Variants in SORCS2 observed in about 807,000 individuals in gnomAD.
SORCS2 encodes VPS10 domain-containing receptor SorCS2.
Under a neutral mutation model 141.6 loss-of-function variants are expected in SORCS2, and 100 were observed. The observed-to-expected ratio is 0.71, with a 90% CI of 0.60 to 0.83. SORCS2 has a LOEUF of 0.83. Ranked by LOEUF, SORCS2 falls within the 40% of genes least tolerant of loss-of-function variation. SORCS2 has a pLI of 0.00. For synonymous variants in SORCS2, 789 were observed against 676.9 expected (o/e 1.17, Z -2.57); for missense variants, 1,646 against 1,560.2 (o/e 1.05, Z -0.93).
chr4:7,494,019 TCACA>T (rs71647604), intron 2 of SORCS2, among the ~76,000 whole-genome samples: 5 of 136,390 alleles, frequency 3.7e-5, no homozygotes, highest in South Asian at 2.2e-4. Context: ...ACACACACAT[TCACA>T]CACACACACA....
intron 3 of SORCS2, among the ~76,000 whole-genome samples, chr4:7,619,593 G>T (rs1719015146): frequency 6.6e-6 from 1 of 152,202 alleles, no homozygotes; most frequent in African/African-American, 2.4e-5. Context: ...CCCAATGACT[G>T]TGGTCCCTGG....
At chr4:7,288,281 C>T (rs1716360060) in intron 1 of SORCS2, among the ~76,000 whole-genome samples, 1 of 152,014 alleles carries the variant, frequency 6.6e-6, no homozygotes, top group African/African-American at 2.4e-5. Flanking sequence ...AAATTCGGGG[C>T]CTTGCTGAGA....
rs370067623 is a variant in SORCS2 at position 7,706,379 on chromosome 4, T to C, written c.1868+2095T>C. Among the ~76,000 whole-genome samples the C allele has an allele frequency of 1.5e-3, 183 of 124,096 alleles. 1 individual carries two copies. Among genetic ancestry groups the C allele is most frequent in the Admixed American group, 1.8e-3 (23 of 12,656 alleles). 81.4% of individuals were successfully genotyped at this position (124,096 alleles called of 152,430 possible). A position where few individuals can be genotyped will look rare whatever the true frequency, so the allele number is the denominator to read the frequency against. ...TGGGCAGGGATGAGGCTGGGCTCTG[T>C]CTGGGCAGGGATGAGGCTGGGCTCT... is the stretch of plus-strand genomic sequence containing the variant. On this transcript the variant is annotated intron_variant, in intron 14 of 26. Coordinates refer to ENST00000507866, the MANE Select transcript of SORCS2 (RefSeq NM_020777.3).
In SORCS2 at chr4:7,715,325, C is replaced by A. The variant is rs138601427; in HGVS notation, c.2252+14C>A. 6.2e-7 allele frequency: 1 copy of A among 1,612,820 alleles called. No homozygotes were observed. The highest frequency in any genetic ancestry group is 8.5e-7 in the Non-Finnish European group (1 of 1,179,046). On this transcript the variant is annotated intron_variant, in intron 17 of 26. Coordinates refer to ENST00000507866, the MANE Select transcript of SORCS2 (RefSeq NM_020777.3). ...CAGCAGCCTTGGGTGAGTGTGGGTGCGGGCCTCTCCCTGCCTAAATCCGGG... is the reference window on the plus strand; with the variant it reads ...CAGCAGCCTTGGGTGAGTGTGGGTGAGGGCCTCTCCCTGCCTAAATCCGGG...
intron 1 of SORCS2, among the ~76,000 whole-genome samples, chr4:7,242,505 T>C (rs1329727098): frequency 6.6e-6 from 1 of 152,130 alleles, no homozygotes; most frequent in Non-Finnish European, 1.5e-5. Context: ...ACTGGTCTTC[T>C]GAATCAATCC....
rs1160411308 is a variant in SORCS2, at chr4:7,286,229, G to C, written c.480+93103G>C. On this transcript the variant is annotated intron_variant, in intron 1 of 26. Coordinates refer to ENST00000507866, the MANE Select transcript of SORCS2 (RefSeq NM_020777.3). This position sits in a 1 kb window ranked among gnomAD's most constrained non-coding sequence, Gnocchi z 4.1. ...TCGGACCCTGAGTCTCCTCGCGTGG[G>C]AAGTGGGCACAGCCTCATGGTGTCT... Among the ~76,000 whole-genome samples the C allele has an allele frequency of 6.6e-6, 1 of 152,194 alleles. No homozygotes were observed. Among genetic ancestry groups the C allele is most frequent in the Non-Finnish European group, 1.5e-5 (1 of 68,022 alleles).
At chr4:7,632,847 G>A (rs919173064) in intron 3 of SORCS2, among the ~76,000 whole-genome samples, 1 of 152,228 alleles carries the variant, frequency 6.6e-6, no homozygotes, top group South Asian at 2.1e-4. Flanking sequence ...CTGTTAGCCT[G>A]TGTATGCACA....
intron 4 of SORCS2, among the ~76,000 whole-genome samples, chr4:7,649,055 C>T (rs1303864312): frequency 6.6e-6 from 1 of 152,192 alleles, no homozygotes; most frequent in Non-Finnish European, 1.5e-5. Context: ...GGGCCCTGAG[C>T]ACAGACTCTG....
intron 5 of SORCS2, among the ~76,000 whole-genome samples, chr4:7,654,564 C>T (rs746778129): frequency 2.4e-4 from 37 of 152,306 alleles, no homozygotes; most frequent in Admixed American, 1.0e-3. Context: ...TGCTGATGTA[C>T]ACATGTCCCC....
At chr4:7,471,949 G>A (rs1337624896) in intron 2 of SORCS2, among the ~76,000 whole-genome samples, 1 of 152,248 alleles carries the variant, frequency 6.6e-6, no homozygotes, top group Admixed American at 6.5e-5. Context: ...TAGCCTAGTG[G>A]ATTAGAACCT....
chr4:7,256,184 G>C (rs1035812005), intron 1 of SORCS2, among the ~76,000 whole-genome samples: 4 of 152,154 alleles, frequency 2.6e-5, no homozygotes, highest in Non-Finnish European at 5.9e-5. Flanking sequence ...CTGGGGCAGG[G>C]AGAGGCTCTT....
intron 2 of SORCS2, among the ~76,000 whole-genome samples, chr4:7,479,724 G>A (rs1177241623): frequency 6.6e-6 from 1 of 152,232 alleles, no homozygotes; most frequent in Admixed American, 6.5e-5. Context: ...GCCCCAGGAC[G>A]CTGAGCCCCA....
chr4:7,209,128 T>C (rs1256989732), intron 1 of SORCS2, among the ~76,000 whole-genome samples: 3 of 152,234 alleles, frequency 2.0e-5, no homozygotes, highest in African/African-American at 7.2e-5. Flanking sequence ...GACACTGAAC[T>C]GGCCTTGTTG....
chr4:7,409,124 G>C (rs1725149549), intron 2 of SORCS2, among the ~76,000 whole-genome samples: 1 of 152,146 alleles, frequency 6.6e-6, no homozygotes, highest in Non-Finnish European at 1.5e-5. Flanking sequence ...GTTTGCTATT[G>C]TTTCTTGTAG....
chr4:7,256,966 A>G (rs1408453733), intron 1 of SORCS2, among the ~76,000 whole-genome samples: 1 of 151,844 alleles, frequency 6.6e-6, no homozygotes, highest in African/African-American at 2.4e-5. Flanking sequence ...ATCGGTAGAG[A>G]CTCGGGGGTC....
chr4:7,300,127 C>T (rs74462450), intron 1 of SORCS2, among the ~76,000 whole-genome samples: 5,362 of 152,238 alleles, frequency 0.035, 329 homozygotes, highest in African/African-American at 0.12. Flanking sequence ...TCCCACCCTT[C>T]GTAGCTACTG....
chr4:7,358,358 A>G (rs1214630923), intron 1 of SORCS2, among the ~76,000 whole-genome samples: 1 of 152,236 alleles, frequency 6.6e-6, no homozygotes, highest in Non-Finnish European at 1.5e-5. Flanking sequence ...TTATTGATGC[A>G]GGAATTGAGG....
intron 1 of SORCS2, among the ~76,000 whole-genome samples, chr4:7,275,406 CAT>C (rs1409274944): frequency 1.3e-5 from 2 of 152,170 alleles, no homozygotes; most frequent in African/African-American, 4.8e-5. Flanking sequence ...GAGTACCTAT[CAT>C]GTGTCTGGCT....
Position 7,714,250 on chromosome 4 carries a change from G to T in SORCS2, c.2000G>T (p.Cys667Phe). ...WELSNLQGDR[C>F]IMGQQRSFRK... ...ATGTTCCTGCTGCAGGGCGACCGCT[G>T]TATCATGGGCCAGCAGAGAAGTTTC... is the stretch of plus-strand genomic sequence containing the variant. The change falls in exon 16 of 27, where the codon TGT (cysteine) becomes TTT (phenylalanine). Residue 667 changes from cysteine to phenylalanine, a missense_variant. Cys to Phe is a radical substitution (Grantham distance 205). Transcript: ENST00000507866. 1.2e-6 allele frequency: 2 copies of T among 1,610,962 alleles called. No individual in the cohort carries two copies. The highest frequency in any genetic ancestry group is 1.7e-6 in the Non-Finnish European group (2 of 1,178,800).
Sources: allele counts gnomAD v4.1 joint callset (sites outside exome capture counted in the v4.1 genomes callset), GRCh38; gene constraint gnomAD v4.1.1; non-coding constraint Gnocchi (gnomAD v3.1); transcripts MANE v1.5; gene names NCBI Gene and HGNC (gene_info 2026-07-23, HGNC 2026-07-21).